CSMD1: variants seen among roughly 807,000 people sequenced by gnomAD.
The protein encoded by CSMD1 is CUB and sushi domain-containing protein 1.
CSMD1 carries 213 observed loss-of-function variants against 417.5 expected under a neutral mutation model. That is an observed-to-expected ratio of 0.51 (90% CI 0.46 to 0.57). CSMD1 has a LOEUF of 0.57. Among genes scored for constraint, CSMD1 ranks in the 20% least tolerant of loss-of-function variants. The pLI is 0.00. For missense variants in CSMD1, 6,923 were observed against 4,529.7 expected, an observed-to-expected ratio of 1.53 and a Z score of -15.17; for synonymous variants, 2,862 against 1,736.8, an observed-to-expected ratio of 1.65 and a Z score of -16.11.
At chr8:3,489,438 TG>T (rs1818241815) in intron 11 of CSMD1, among the ~76,000 whole-genome samples, 1 of 152,168 alleles carries the variant, frequency 6.6e-6, no homozygotes, top group South Asian at 2.1e-4. Context: ...TGGTTACCAA[TG>T]GCTAATAGCT....
At chr8:3,658,917 C>T (rs891055329) in intron 7 of CSMD1, among the ~76,000 whole-genome samples, 1 of 152,166 alleles carries the variant, frequency 6.6e-6, no homozygotes, top group Admixed American at 6.5e-5. Flanking sequence ...TAATTCCATT[C>T]TTGACCTACC....
At chr8:3,541,256 AC>A (rs1798426234) in intron 10 of CSMD1, among the ~76,000 whole-genome samples, 1 of 152,184 alleles carries the variant, frequency 6.6e-6, no homozygotes, top group Admixed American at 6.5e-5. Context: ...GGAAGCCATT[AC>A]CCTCAAAGTA....
chr8:3,526,473 C>G (rs989237598), intron 10 of CSMD1, among the ~76,000 whole-genome samples: 1 of 152,102 alleles, frequency 6.6e-6, no homozygotes, highest in Non-Finnish European at 1.5e-5. Flanking sequence ...GCTGGCTATT[C>G]TGTAGAATTT....
At chr8:4,430,075 C>G (rs553245868) in intron 2 of CSMD1, among the ~76,000 whole-genome samples, 1 of 152,140 alleles carries the variant, frequency 6.6e-6, no homozygotes, top group Non-Finnish European at 1.5e-5. Flanking sequence ...AAAGCAGAAA[C>G]AAAACTTAAT....
At chr8:4,444,580 G>C (rs777471355) in intron 2 of CSMD1, among the ~76,000 whole-genome samples, 1 of 151,972 alleles carries the variant, frequency 6.6e-6, no homozygotes, top group African/African-American at 2.4e-5. Flanking sequence ...AGCAGCTCCA[G>C]AACATGAAAT....
intron 3 of CSMD1, among the ~76,000 whole-genome samples, chr8:4,238,633 C>T (rs1292783125): frequency 2.0e-5 from 3 of 152,124 alleles, no homozygotes; most frequent in African/African-American, 2.4e-5. Context: ...AGAATGAAAC[C>T]AATGAGGTCA....
rs567724161 is a variant in CSMD1, at chr8:3,706,748, G to C, written c.1009+1666C>G. On this transcript the variant is annotated intron_variant, in intron 7 of 69. Coordinates refer to ENST00000635120, the MANE Select transcript of CSMD1 (RefSeq NM_033225.6). ...TTGAACTTTAGATCATTTGTGCAGG[G>C]TTTTATCATAAAAATCATTTTCAAA... 5.7e-4 allele frequency among the ~76,000 whole-genome samples: 87 copies of C among 151,738 alleles called. 1 individual carries two copies. Among genetic ancestry groups the C allele is most frequent in the African/African-American group, 1.9e-3 (79 of 41,510 alleles).
At chr8:4,922,943 C>A (rs768801981) in intron 1 of CSMD1, among the ~76,000 whole-genome samples, 1 of 152,132 alleles carries the variant, frequency 6.6e-6, no homozygotes, top group African/African-American at 2.4e-5. Context: ...GGTGTATATG[C>A]ATATTACACA....
intron 33 of CSMD1, 35 bp from the exon 34 acceptor site, chr8:3,190,150 C>G: frequency 1.3e-6 from 2 of 1,521,268 alleles, no homozygotes; most frequent in Non-Finnish European, 1.8e-6. Context: ...CCGTCTGTAT[C>G]TCCATCAGCA....
chr8:4,866,959 C>G (rs1464286470), intron 1 of CSMD1, among the ~76,000 whole-genome samples: 1 of 151,926 alleles, frequency 6.6e-6, no homozygotes, highest in Admixed American at 6.6e-5. Context: ...CTATATGGAA[C>G]AATCTTAAAT....
At chr8:3,606,742 C>G (rs1459179273) in intron 8 of CSMD1, among the ~76,000 whole-genome samples, 1 of 148,676 alleles carries the variant, frequency 6.7e-6, no homozygotes, top group East Asian at 2.0e-4. Flanking sequence ...GACAGAGTCT[C>G]ACTGGGTCCC....
intron 3 of CSMD1, among the ~76,000 whole-genome samples, chr8:4,151,164 G>C (rs1359441147): frequency 1.3e-5 from 2 of 152,164 alleles, no homozygotes; most frequent in Non-Finnish European, 2.9e-5. Context: ...ATCTTTGAAA[G>C]CAAAGGAATT....
chr8:4,425,868 G>C (rs775429458), intron 2 of CSMD1, among the ~76,000 whole-genome samples: 1 of 151,886 alleles, frequency 6.6e-6, no homozygotes, highest in Admixed American at 6.6e-5. Context: ...GATAAACTTT[G>C]AATATTTCAA....
rs200879157 is a variant in CSMD1, at chr8:3,796,292, A to G, written c.819-42250T>C. Among the ~76,000 whole-genome samples, 2 of 12,380 alleles carry G rather than the reference A, an allele frequency of 1.6e-4. 1 individual carries two copies. The highest frequency in any genetic ancestry group is 1.8e-3 in the Admixed American group (2 of 1,090). 8.1% of individuals were successfully genotyped at this position (12,380 alleles called of 152,430 possible). ...AGATATATATCTATCATGTATAGATATATCTATCATGTATAGATATAGATA... is the reference window on the plus strand; with the variant it reads ...AGATATATATCTATCATGTATAGATGTATCTATCATGTATAGATATAGATA... On this transcript the variant is annotated intron_variant, in intron 5 of 69. Coordinates refer to ENST00000635120, the MANE Select transcript of CSMD1 (RefSeq NM_033225.6).
At chr8:3,773,157 G>A (rs183310180) in intron 5 of CSMD1, among the ~76,000 whole-genome samples, 1 of 152,156 alleles carries the variant, frequency 6.6e-6, no homozygotes, top group Non-Finnish European at 1.5e-5. Context: ...AATAGCATTA[G>A]GATTTCAACA....
intron 3 of CSMD1, among the ~76,000 whole-genome samples, chr8:4,165,838 T>A (rs1387119536): frequency 6.6e-6 from 1 of 152,232 alleles, no homozygotes; most frequent in East Asian, 1.9e-4. Flanking sequence ...CAAAACTAAT[T>A]GCGTTTTTTG....
At chr8:3,302,717 G>C (rs1804513691) in intron 25 of CSMD1, among the ~76,000 whole-genome samples, 2 of 152,306 alleles carry the variant, frequency 1.3e-5, no homozygotes, top group South Asian at 4.1e-4. Context: ...ATGATGATGT[G>C]CCTCGTTATC....
chr8:3,739,861 A>T (rs1796703828), intron 6 of CSMD1, among the ~76,000 whole-genome samples: 1 of 152,196 alleles, frequency 6.6e-6, no homozygotes, highest in Non-Finnish European at 1.5e-5. Context: ...TTAAAAAAGC[A>T]GGGAAGTTGA....
At chr8:4,579,778 T>A (rs1035266391) in intron 2 of CSMD1, among the ~76,000 whole-genome samples, 6 of 152,198 alleles carry the variant, frequency 3.9e-5, no homozygotes, top group South Asian at 2.1e-4. Context: ...GAATTTCCAA[T>A]TTTATTTCCA....
Sources: allele counts gnomAD v4.1 joint callset (sites outside exome capture counted in the v4.1 genomes callset), GRCh38; gene constraint gnomAD v4.1.1; transcripts MANE v1.5; gene names NCBI Gene and HGNC (gene_info 2026-07-23, HGNC 2026-07-21).